Variants in MGST3 observed in about 807,000 individuals in gnomAD.
MGST3 encodes the protein microsomal glutathione S-transferase 3.
In MGST3, 13 loss-of-function variants were observed where a neutral mutation model predicts 15.8. That is an observed-to-expected ratio of 0.82 (90% CI 0.54 to 1.31). The LOEUF (loss-of-function observed/expected upper bound fraction) is 1.31, where lower values mean the gene tolerates loss of function less well. MGST3 is among the 50% of genes most tolerant of loss of function. The pLI is 0.00. For synonymous variants in MGST3, 49 were observed against 68.1 expected (o/e 0.72, Z 1.38); for missense variants, 155 against 192.4 (o/e 0.81, Z 1.15).
chr1:165,646,485 CTTCT>C (rs1648405928), intron 1 of MGST3: 1 of 152,150 alleles, frequency 6.6e-6, no homozygotes, highest in Non-Finnish European at 1.5e-5. Context: ...GTTCTGAATT[CTTCT>C]TTCTTAAGAT....
In MGST3 at chr1:165,655,512, T is replaced by C. The variant is rs766507497; in HGVS notation, c.*8T>C. On this transcript the variant is annotated 3_prime_UTR_variant, in exon 6 of 6. Coordinates refer to ENST00000367889, the MANE Select transcript of MGST3 (RefSeq NM_004528.4). The stretch of plus-strand genomic sequence containing the variant: ...CCCAAATGCTGCCATTAAAGAATTA[T>C]AGGGGTTTAAAAACTCTCATTCATT... 21 of 1,614,100 alleles carry C rather than the reference T, an allele frequency of 1.3e-5. No individual in the cohort carries two copies. The East Asian group carries it at 2.2e-4, about 17-fold the overall frequency.
At chr1:165,649,583 ATCTC>A in intron 1 of MGST3, 1 of 447,450 alleles carries the variant, frequency 2.2e-6, no homozygotes, top group Non-Finnish European at 4.1e-6. Context: ...GTTGATCAGA[ATCTC>A]CCAGGCACAA....
chr1:165,653,786 G>A (rs1261118028), intron 4 of MGST3: 1 of 189,990 alleles, frequency 5.3e-6, no homozygotes, highest in South Asian at 1.0e-4. Context: ...CACCCCCAGT[G>A]TAGCCTGCAG....
chr1:165,655,521 A>C lies in MGST3; in HGVS notation c.*17A>C. ...TGCCATTAAAGAATTATAGGGGTTTAAAAACTCTCATTCATTTTAAATGAC... is the reference window on the plus strand; with the variant it reads ...TGCCATTAAAGAATTATAGGGGTTTCAAAACTCTCATTCATTTTAAATGAC... On this transcript the variant is annotated 3_prime_UTR_variant, in exon 6 of 6. Transcript: ENST00000367889. 1 of 1,613,982 alleles carries C rather than the reference A, an allele frequency of 6.2e-7. No homozygotes were observed. The highest frequency in any genetic ancestry group is 8.5e-7 in the Non-Finnish European group (1 of 1,179,924).
chr1:165,632,200 G>A (rs768327081), intron 1 of MGST3: 33 of 1,599,594 alleles, frequency 2.1e-5, no homozygotes, highest in Non-Finnish European at 2.6e-5. Flanking sequence ...AGAAGGAGAG[G>A]CAGGGGTTAG....
intron 1 of MGST3, among the ~76,000 whole-genome samples, chr1:165,644,566 A>G (rs1648344033): frequency 6.6e-6 from 1 of 152,220 alleles, no homozygotes; most frequent in African/African-American, 2.4e-5. Context: ...ACACTGCTGC[A>G]GACCTTACGT....
chr1:165,651,021 T>C lies in MGST3; in HGVS notation c.125T>C (p.Ile42Thr). The C allele has an allele frequency of 6.2e-7, 1 of 1,614,166 alleles. No homozygotes were observed. ...ARKKYKVEYP[I>T]MYSTDPENGH... is the part of the protein sequence containing the mutation. ...TGTGCTTTGTTGTGACAGTATCCTATCATGTACAGCACGGACCCTGAAAAT... is the reference window on the plus strand; with the variant it reads ...TGTGCTTTGTTGTGACAGTATCCTACCATGTACAGCACGGACCCTGAAAAT... Residue 42 changes from isoleucine (I) to threonine (T), a missense_variant, in exon 3 of 6, where the codon ATC becomes ACC. Ile to Thr is a moderately conservative substitution (Grantham distance 89). Transcript: ENST00000367889.
At chr1:165,632,553 C>T (rs1647982795) in intron 1 of MGST3, among the ~76,000 whole-genome samples, 2 of 152,186 alleles carry the variant, frequency 1.3e-5, no homozygotes, top group African/African-American at 4.8e-5. Flanking sequence ...ACTTTCATCC[C>T]TGGGAAGACT....
intron 1 of MGST3, among the ~76,000 whole-genome samples, chr1:165,643,641 G>GT (rs1407753226): frequency 4.0e-5 from 6 of 151,740 alleles, no homozygotes; most frequent in Non-Finnish European, 7.4e-5. Flanking sequence ...TGAGGCAGCC[G>GT]TATCAGTTGA....
At chr1:165,651,424 C>T in intron 3 of MGST3, 1 of 401,192 alleles carries the variant, frequency 2.5e-6, no homozygotes, top group Admixed American at 3.7e-5. Context: ...AGGAAACCCA[C>T]TCTGACTCAC....
chr1:165,649,862 T>G lies in MGST3; in HGVS notation c.15T>G (p.Ser5=). The G allele has an allele frequency of 6.2e-7, 1 of 1,614,142 alleles. No homozygotes were observed. Among genetic ancestry groups the G allele is most frequent in the Non-Finnish European group, 8.5e-7 (1 of 1,180,028 alleles). ...ACAGACGCAAGATGGCTGTCCTCTC[T>G]AAGGAATATGGTTTTGTGCTTCTAA... is the stretch of plus-strand genomic sequence containing the variant. MAVL[S]KEYGFVLLTG... Residue 5 remains serine, a synonymous_variant, in exon 2 of 6, where the codon TCT becomes TCG. Coordinates refer to ENST00000367889, the MANE Select transcript of MGST3 (RefSeq NM_004528.4).
intron 1 of MGST3, among the ~76,000 whole-genome samples, chr1:165,639,148 T>C (rs1168222489): frequency 6.6e-6 from 1 of 152,240 alleles, no homozygotes; most frequent in Non-Finnish European, 1.5e-5. Flanking sequence ...TGGCTCTGTT[T>C]CTCTCCTGGA....
intron 1 of MGST3, among the ~76,000 whole-genome samples, chr1:165,634,770 T>TCTCCCTCCCTCCCTCTCCCTCC (rs1553239139): frequency 8.1e-5 from 2 of 24,766 alleles, no homozygotes; most frequent in African/African-American, 4.8e-4. Context: ...CCTCCCTCTC[T>TCTCCCTCCCTCCCTCTCCCTCC]CTCCCTCCCT....
chr1:165,655,026 CT>C, intron 5 of MGST3, among the ~76,000 whole-genome samples: 1 of 152,192 alleles, frequency 6.6e-6, no homozygotes, highest in Non-Finnish European at 1.5e-5. Flanking sequence ...ACTCCAGAGC[CT>C]CACCATTACT....
At chr1:165,653,413 A>G (rs1398451698) in intron 4 of MGST3, among the ~76,000 whole-genome samples, 1 of 152,200 alleles carries the variant, frequency 6.6e-6, no homozygotes, top group Non-Finnish European at 1.5e-5. Context: ...CAGAGACTAG[A>G]GCTGCTATAT....
chr1:165,654,031 C>T, intron 4 of MGST3: 3 of 477,826 alleles, frequency 6.3e-6, no homozygotes, highest in Non-Finnish European at 1.1e-5. Context: ...TTCCTTCTAT[C>T]CCACCTGTCT....
intron 1 of MGST3, chr1:165,632,391 G>A (rs1313718855): frequency 1.0e-4 from 101 of 1,013,320 alleles, no homozygotes; most frequent in Non-Finnish European, 1.5e-4. Context: ...GGAGCCAGCA[G>A]TTCTGGGAGG....
At chr1:165,632,375 T>A (rs1647978842) in intron 1 of MGST3, 2 of 1,302,044 alleles carry the variant, frequency 1.5e-6, no homozygotes, top group Non-Finnish European at 2.2e-6. Flanking sequence ...AATCTGTAGA[T>A]CACCTGGAGC....
intron 3 of MGST3, 33 bp from the exon 4 acceptor site, chr1:165,651,939 AAAGGGC>A: frequency 2.8e-6 from 4 of 1,437,890 alleles, no homozygotes; most frequent in Non-Finnish European, 3.9e-6. Context: ...GCATACTTAA[AAAGGGC>A]ACTTTTTAAA....
Sources: allele counts gnomAD v4.1 joint callset (sites outside exome capture counted in the v4.1 genomes callset), GRCh38; gene constraint gnomAD v4.1.1; transcripts MANE v1.5; gene names NCBI Gene and HGNC (gene_info 2026-07-23, HGNC 2026-07-21).